The following FBXO34 variants were observed in gnomAD, a reference collection of about 807,000 sequenced individuals.
FBXO34 encodes F-box protein 34.
FBXO34 carries 12 observed loss-of-function variants against 24.5 expected under a neutral mutation model. The observed-to-expected ratio is 0.49, with a 90% CI of 0.31 to 0.79. FBXO34 has a LOEUF of 0.79. Ranked by LOEUF, FBXO34 falls within the 30% of genes least tolerant of loss-of-function variation. FBXO34 has a pLI of 0.04. For missense variants in FBXO34, 823 were observed against 857.7 expected (o/e 0.96, Z 0.51); for synonymous variants, 320 against 311.9 (o/e 1.03, Z -0.27).
chr14:55,362,304 A>T (rs77031437), downstream of FBXO34, among the ~76,000 whole-genome samples: 2,877 of 152,318 alleles, frequency 0.019, 88 homozygotes, highest in African/African-American at 0.061. Flanking sequence ...TGGGCCTCCA[A>T]AACAATTACA....
At chr14:55,341,228 C>G (rs926397173) in intron 1 of FBXO34, among the ~76,000 whole-genome samples, 8 of 152,150 alleles carry the variant, frequency 5.3e-5, no homozygotes, top group African/African-American at 1.9e-4. Flanking sequence ...ACCCATCTAA[C>G]AGGATTCTTG....
At chr14:55,409,671 A>T in the FBXO34 span, among the ~76,000 whole-genome samples, 1 of 152,198 alleles carries the variant, frequency 6.6e-6, no homozygotes, top group Admixed American at 6.5e-5. Context: ...GGTATGTTTG[A>T]GGACAGACAA....
At chr14:55,414,727 T>C in the FBXO34 span, among the ~76,000 whole-genome samples, 262 of 152,320 alleles carry the variant, frequency 1.7e-3, 1 homozygote, top group African/African-American at 5.9e-3. Context: ...ATGTTATCTC[T>C]ACATGTGCCA....
chr14:55,371,681 G>A (rs1359269012), downstream of FBXO34, among the ~76,000 whole-genome samples: 1 of 152,150 alleles, frequency 6.6e-6, no homozygotes, highest in Admixed American at 6.5e-5. Flanking sequence ...GCGGGCACCT[G>A]TAGTCCCGGC....
intron 1 of FBXO34, among the ~76,000 whole-genome samples, chr14:55,314,609 A>G (rs780920882): frequency 1.3e-5 from 2 of 152,248 alleles, no homozygotes; most frequent in Non-Finnish European, 2.9e-5. Flanking sequence ...AGTAACAGGT[A>G]TGTATAAAAT....
intron 1 of FBXO34, among the ~76,000 whole-genome samples, chr14:55,316,493 G>A (rs1227296933): frequency 6.6e-6 from 1 of 150,878 alleles, no homozygotes; most frequent in Non-Finnish European, 1.5e-5. Flanking sequence ...TTGGGAGGTA[G>A]AGGTGGGTGA....
At chr14:55,313,542 T>TA (rs758858184) in intron 1 of FBXO34, among the ~76,000 whole-genome samples, 14 of 152,106 alleles carry the variant, frequency 9.2e-5, no homozygotes, top group African/African-American at 1.7e-4. Flanking sequence ...CACATTGCTG[T>TA]AAAAAAAACT....
intron 1 of FBXO34, among the ~76,000 whole-genome samples, chr14:55,288,803 C>T (rs1881847412): frequency 6.6e-6 from 1 of 152,174 alleles, no homozygotes; most frequent in South Asian, 2.1e-4. Context: ...GTAATACCAG[C>T]ACTTTGGGAG....
chr14:55,383,109 T>G, the FBXO34 span, among the ~76,000 whole-genome samples: 1 of 152,202 alleles, frequency 6.6e-6, no homozygotes, highest in South Asian at 2.1e-4. Context: ...TGCTTTTCCT[T>G]GAGCCAGCAA....
chr14:55,379,003 T>C, the FBXO34 span, among the ~76,000 whole-genome samples: 8 of 151,938 alleles, frequency 5.3e-5, no homozygotes, highest in Admixed American at 6.6e-5. Context: ...TGAGCCACCA[T>C]ACCTGGCCCT....
the FBXO34 span, chr14:55,436,675 GAGTC>G: frequency 4.3e-6 from 7 of 1,614,242 alleles, no homozygotes; most frequent in Non-Finnish European, 5.9e-6. Flanking sequence ...GGGCTGGACT[GAGTC>G]AGTATCACCA....
At chr14:55,364,451 T>C (rs1347295615), downstream of FBXO34, among the ~76,000 whole-genome samples, 1 of 152,052 alleles carries the variant, frequency 6.6e-6, no homozygotes, top group Non-Finnish European at 1.5e-5. Context: ...TGTTTTGAGA[T>C]GGAGTCTTTG....
Position 55,331,671 on chromosome 14 carries a change from GTATATATATATA to G in FBXO34, c.-10-18708_-10-18697del, listed in dbSNP as rs1167083082. Reference sequence around the variant, plus strand: ...ATATATATATACCAACATGGTGTGTGTATATATATATATGTGTATATATATATATATATGTAT... The same window carrying G: ...ATATATATATACCAACATGGTGTGTGTGTGTATATATATATATATATGTAT... On this transcript the variant is annotated intron_variant, in intron 1 of 1. Transcript: ENST00000313833. Among the ~76,000 whole-genome samples, 163 of 45,514 alleles carry G rather than the reference GTATATATATATA, an allele frequency of 3.6e-3. 8 individuals carry two copies. The highest frequency in any genetic ancestry group is 0.012 in the Middle Eastern group (1 of 86). 29.9% of individuals were successfully genotyped at this position (45,514 alleles called of 152,430 possible). A position where few individuals can be genotyped will look rare whatever the true frequency, so the allele number is the denominator to read the frequency against.
At chr14:55,389,891 GATAAAGT>G in the FBXO34 span, among the ~76,000 whole-genome samples, 1,566 of 152,096 alleles carry the variant, frequency 0.01, 20 homozygotes, top group African/African-American at 0.036. Context: ...AACGATCTAT[GATAAAGT>G]ATAAAGTGTA....
the FBXO34 span, chr14:55,395,231 C>G: frequency 8.2e-6 from 3 of 363,662 alleles, no homozygotes; most frequent in South Asian, 7.1e-5. Context: ...TCCTCTTGGG[C>G]ATCCTGGCTG....
At chr14:55,358,222 T>C (rs1296755172), downstream of FBXO34, among the ~76,000 whole-genome samples, 2 of 152,236 alleles carry the variant, frequency 1.3e-5, no homozygotes, top group African/African-American at 2.4e-5. Context: ...CTGGGACCTC[T>C]CGTGAACTTT....
At chr14:55,397,440 A>C in the FBXO34 span, 1 of 1,609,672 alleles carries the variant, frequency 6.2e-7, no homozygotes, top group Non-Finnish European at 8.5e-7. Context: ...TAAACCTGTA[A>C]CAAAAAAATT....
At chr14:55,341,686 C>T (rs1010583351) in intron 1 of FBXO34, among the ~76,000 whole-genome samples, 1 of 152,116 alleles carries the variant, frequency 6.6e-6, no homozygotes, top group African/African-American at 2.4e-5. Context: ...GAGGTTTCAT[C>T]TGCATTTTGT....
intron 1 of FBXO34, chr14:55,285,680 C>T (rs1335222025): frequency 6.6e-6 from 1 of 152,234 alleles, no homozygotes; most frequent in Non-Finnish European, 1.5e-5. Flanking sequence ...ATTAAAATCT[C>T]CCTGCCAGCT....
Sources: allele counts gnomAD v4.1 joint callset (sites outside exome capture counted in the v4.1 genomes callset), GRCh38; gene constraint gnomAD v4.1.1; transcripts MANE v1.5; gene names NCBI Gene and HGNC (gene_info 2026-07-23, HGNC 2026-07-21).